ARID5B: variants seen among roughly 807,000 people sequenced by gnomAD.
ARID5B encodes AT-rich interactive domain-containing protein 5B.
A neutral mutation model predicts 97.2 loss-of-function variants in ARID5B; 13 were observed. The ratio of observed to expected loss-of-function variants is 0.13; its 90% confidence interval spans 0.09 to 0.21. ARID5B has a LOEUF of 0.21. Among genes scored for constraint, ARID5B ranks in the 10% least tolerant of loss-of-function variants. The probability of loss-of-function intolerance (pLI) is 1.00; values close to 1 mark genes in which losing one functional copy is unlikely to be tolerated. For missense variants in ARID5B, 1,210 were observed against 1,465.3 expected (o/e 0.83, Z 2.84); for synonymous variants, 556 against 570.3 (o/e 0.97, Z 0.36).
At chr10:62,041,299 G>C (rs1417433755) in intron 4 of ARID5B, among the ~76,000 whole-genome samples, 2 of 152,282 alleles carry the variant, frequency 1.3e-5, no homozygotes, top group Non-Finnish European at 2.9e-5. Context: ...ATGAAGCTCA[G>C]AGACCACTGA....
intron 2 of ARID5B, 128 bp from the exon 3 acceptor site, chr10:61,940,055 T>C: frequency 1.4e-6 from 1 of 723,728 alleles, no homozygotes; most frequent in East Asian, 2.7e-5. Context: ...GTCACCAGAA[T>C]GCACACAGTC....
intron 3 of ARID5B, among the ~76,000 whole-genome samples, chr10:61,977,085 C>T (rs1341642373): frequency 6.6e-6 from 1 of 152,128 alleles, no homozygotes; most frequent in South Asian, 2.1e-4. Flanking sequence ...GTTCAATTCC[C>T]ACCTATGAGT....
chr10:61,959,308 A>G (rs1838437670), intron 3 of ARID5B, among the ~76,000 whole-genome samples: 1 of 152,152 alleles, frequency 6.6e-6, no homozygotes, highest in African/African-American at 2.4e-5. Flanking sequence ...ACCTTGGGAG[A>G]ACTTTGTGGC....
chr10:62,095,679 C>A lies in ARID5B; in HGVS notation c.*2649C>A, dbSNP rs1284528495. The A allele has an allele frequency of 8.6e-6, 2 of 232,910 alleles. No homozygotes were observed. Among genetic ancestry groups the A allele is most frequent in the Non-Finnish European group, 1.7e-5 (2 of 117,546 alleles). The allele number at this position is 232,910 out of a possible 1,614,324, so 14.4% of individuals were successfully genotyped here. A position where few individuals can be genotyped will look rare whatever the true frequency, so the allele number is the denominator to read the frequency against. Reference sequence around the variant, plus strand: ...TTGTTTTAAAACTCTGAACAGAGATCTTGGAAATCTTTCAAAAAGACCATT... The same window carrying A: ...TTGTTTTAAAACTCTGAACAGAGATATTGGAAATCTTTCAAAAAGACCATT... On this transcript the variant is annotated 3_prime_UTR_variant, in exon 10 of 10. Coordinates refer to ENST00000279873, the MANE Select transcript of ARID5B (RefSeq NM_032199.3).
At chr10:62,087,314 A>AAAAAAG (rs1840302921) in intron 9 of ARID5B, among the ~76,000 whole-genome samples, 1 of 149,546 alleles carries the variant, frequency 6.7e-6, no homozygotes, top group Non-Finnish European at 1.5e-5. Context: ...AAAAAAAAAA[A>AAAAAAG]AAAAGGAAAA....
At chr10:62,046,785 T>G in intron 4 of ARID5B, 1 of 128,356 alleles carries the variant, frequency 7.8e-6, no homozygotes, top group Admixed American at 8.3e-5. Context: ...GACTAAGTTT[T>G]ATTGGCCTTA....
intron 2 of ARID5B, among the ~76,000 whole-genome samples, chr10:61,931,762 G>A (rs953588888): frequency 2.0e-5 from 3 of 152,112 alleles, no homozygotes; most frequent in African/African-American, 7.2e-5. Flanking sequence ...TTAGAGAGAT[G>A]ACCATTTAAA....
At chr10:61,952,865 TGTG>T (rs1388402961) in intron 3 of ARID5B, among the ~76,000 whole-genome samples, 3 of 152,110 alleles carry the variant, frequency 2.0e-5, no homozygotes, top group Non-Finnish European at 2.9e-5. Context: ...TGTGTGTGTG[TGTG>T]TGGACATTTT....
At chr10:61,931,590 G>T (rs1844210974) in intron 2 of ARID5B, among the ~76,000 whole-genome samples, 2 of 152,178 alleles carry the variant, frequency 1.3e-5, no homozygotes, top group Non-Finnish European at 2.9e-5. Flanking sequence ...GGAGAAAGTG[G>T]TTTCAAACCA....
At chr10:62,088,055 C>G (rs1840316269) in intron 9 of ARID5B, among the ~76,000 whole-genome samples, 1 of 152,042 alleles carries the variant, frequency 6.6e-6, no homozygotes, top group Non-Finnish European at 1.5e-5. Flanking sequence ...TTAGTAGAGA[C>G]AGGGTTTCAC....
At chr10:62,002,798 T>C (rs1839097274) in intron 4 of ARID5B, among the ~76,000 whole-genome samples, 1 of 152,232 alleles carries the variant, frequency 6.6e-6, no homozygotes, top group African/African-American at 2.4e-5. Context: ...TTCTGTCAGA[T>C]TACCGAGAGT....
chr10:61,946,772 T>G (rs558082067), intron 3 of ARID5B, among the ~76,000 whole-genome samples: 21 of 152,116 alleles, frequency 1.4e-4, no homozygotes, highest in African/African-American at 4.8e-4. Flanking sequence ...AATATAAAAA[T>G]TATCCGGGCA....
chr10:62,039,013 A>G (rs1367817740), intron 4 of ARID5B, among the ~76,000 whole-genome samples: 3 of 152,268 alleles, frequency 2.0e-5, no homozygotes, highest in South Asian at 4.1e-4. Context: ...GAGGGAAAAT[A>G]TAGACAGACT....
intron 3 of ARID5B, among the ~76,000 whole-genome samples, chr10:61,948,505 T>C (rs1838274728): frequency 6.7e-6 from 1 of 149,948 alleles, no homozygotes; most frequent in Admixed American, 6.7e-5. Context: ...TAGCTGGGAC[T>C]ACAGGTGCGC....
chr10:61,954,093 T>A (rs948294457), intron 3 of ARID5B, among the ~76,000 whole-genome samples: 7 of 152,164 alleles, frequency 4.6e-5, no homozygotes, highest in Admixed American at 4.6e-4. Flanking sequence ...GCACGGTGGC[T>A]CATGCCTGTA....
intron 3 of ARID5B, among the ~76,000 whole-genome samples, chr10:61,962,972 C>T (rs1213214190): frequency 6.6e-6 from 1 of 152,048 alleles, no homozygotes; most frequent in African/African-American, 2.4e-5. Context: ...TATTTAGAGC[C>T]GTGTTCGCAG....
chr10:62,076,023 A>G (rs1840128002), intron 8 of ARID5B, among the ~76,000 whole-genome samples: 2 of 152,214 alleles, frequency 1.3e-5, no homozygotes, highest in South Asian at 2.1e-4. Flanking sequence ...ATTGGCTGGC[A>G]AACAATGAGG....
intron 4 of ARID5B, among the ~76,000 whole-genome samples, chr10:62,045,696 G>A (rs546965406): frequency 3.5e-4 from 54 of 152,166 alleles, no homozygotes; most frequent in African/African-American, 1.1e-3. Flanking sequence ...TGATCCACCC[G>A]CCTCAGCCTC....
intron 4 of ARID5B, among the ~76,000 whole-genome samples, chr10:62,002,861 G>GT (rs1400654888): frequency 1.3e-5 from 2 of 152,242 alleles, no homozygotes; most frequent in East Asian, 3.9e-4. Context: ...TGTACCACAC[G>GT]TTTGGTGACT....
Sources: gnomAD v4.1 joint callset for allele counts (sites outside exome capture counted in the v4.1 genomes callset) on GRCh38, gnomAD v4.1.1 for gene constraint, MANE v1.5 for transcripts, NCBI Gene and HGNC (gene_info 2026-07-23, HGNC 2026-07-21) for gene names.